DENND4A: variants seen among roughly 807,000 people sequenced by gnomAD.
The protein encoded by DENND4A is C-myc promoter-binding protein.
A neutral mutation model predicts 199.3 loss-of-function variants in DENND4A; 70 were observed. The observed-to-expected ratio is 0.35, with a 90% CI of 0.29 to 0.43. DENND4A has a LOEUF of 0.43. DENND4A is among the 20% of genes least tolerant of loss of function. DENND4A has a pLI of 1.00. For missense variants in DENND4A, 1,723 were observed against 2,255.8 expected, an observed-to-expected ratio of 0.76 and a Z score of 4.78; for synonymous variants, 686 against 766.9, an observed-to-expected ratio of 0.89 and a Z score of 1.74.
chr15:65,729,618 C>T lies in DENND4A; in HGVS notation c.1227G>A (p.Leu409=), dbSNP rs1222151153. ...TTTTATGTTCTGTTACTGCAAACAC[C>T]AGTAGTGTCACAGCATTTTCAGGGC... ...NLGPENAVTL[L]VFAVTEHKIL... Residue 409 remains leucine, a synonymous_variant, in exon 10 of 33, where the codon CTG becomes CTA. Coordinates refer to ENST00000443035, the MANE Select transcript of DENND4A (RefSeq NM_001320835.1). 8 of 1,579,204 alleles carry T rather than the reference C, an allele frequency of 5.1e-6. No individual in the cohort carries two copies. Among genetic ancestry groups the T allele is most frequent in the Non-Finnish European group, 6.9e-6 (8 of 1,161,350 alleles).
chr15:65,667,381 A>C, intron 29 of DENND4A, 68 bp downstream of exon 29: 1 of 1,497,760 alleles, frequency 6.7e-7, no homozygotes, highest in Non-Finnish European at 9.1e-7. Flanking sequence ...CTTTTTAATC[A>C]TTAGGAATAT....
intron 7 of DENND4A, among the ~76,000 whole-genome samples, chr15:65,733,722 C>T (rs1428180402): frequency 1.3e-5 from 2 of 152,158 alleles, no homozygotes; most frequent in Non-Finnish European, 2.9e-5. Context: ...TAGGAGACTC[C>T]ATTTTGTTCT....
In DENND4A at chr15:65,673,472, A is replaced by G. The variant is rs1365446640; in HGVS notation, c.4370-1586T>C. Among the ~76,000 whole-genome samples, 3 of 151,940 alleles carry G rather than the reference A, an allele frequency of 2.0e-5. No homozygotes were observed. In the East Asian group the frequency reaches 5.8e-4, roughly 29 times the overall value. On this transcript the variant is annotated intron_variant, in intron 24 of 32. Coordinates refer to ENST00000443035, the MANE Select transcript of DENND4A (RefSeq NM_001320835.1). ...AGTGATAGAGTGAGACTGTCTCAAAATAAATGATAAACAAAGGTTAAAAAA... is the reference window on the plus strand; with the variant it reads ...AGTGATAGAGTGAGACTGTCTCAAAGTAAATGATAAACAAAGGTTAAAAAA...
rs1453811415 is a variant in DENND4A at position 65,673,366 on chromosome 15, G to A, written c.4370-1480C>T. 2.0e-5 allele frequency among the ~76,000 whole-genome samples: 3 copies of A among 151,886 alleles called. No homozygotes were observed. The East Asian group carries it at 5.8e-4, about 30-fold the overall frequency. On this transcript the variant is annotated intron_variant, in intron 24 of 32. Coordinates refer to ENST00000443035, the MANE Select transcript of DENND4A (RefSeq NM_001320835.1). The stretch of plus-strand genomic sequence containing the variant: ...TGTGCCTGTAGTCCCAGCTACCTGG[G>A]AAGCTGAGGTGGGATGATCACCTGA...
intron 20 of DENND4A, among the ~76,000 whole-genome samples, chr15:65,700,153 G>C (rs1398195736): frequency 6.6e-6 from 1 of 151,970 alleles, no homozygotes; most frequent in Non-Finnish European, 1.5e-5. Context: ...CCAGGAAACT[G>C]ATGTTGGTAC....
chr15:65,707,390 T>A (rs904503985), intron 14 of DENND4A, among the ~76,000 whole-genome samples: 62 of 152,150 alleles, frequency 4.1e-4, no homozygotes, highest in African/African-American at 1.4e-3. Context: ...TAGTTAAACC[T>A]TTAAGATAAG....
intron 15 of DENND4A, among the ~76,000 whole-genome samples, chr15:65,703,503 C>G (rs914365234): frequency 6.6e-6 from 1 of 152,198 alleles, no homozygotes; most frequent in Non-Finnish European, 1.5e-5. Flanking sequence ...AGGCCTTGCT[C>G]TCACATTCTC....
chr15:65,778,256 GA>G (rs2077334653), intron 1 of DENND4A, among the ~76,000 whole-genome samples: 1 of 151,890 alleles, frequency 6.6e-6, no homozygotes, highest in African/African-American at 2.4e-5. Context: ...ATTTTTTAAA[GA>G]AAAATAATAT....
chr15:65,698,095 T>C (rs1470046640), intron 20 of DENND4A, among the ~76,000 whole-genome samples: 4 of 151,666 alleles, frequency 2.6e-5, no homozygotes, highest in African/African-American at 9.7e-5. Context: ...CTACTAAAAA[T>C]AAAAAATAAA....
chr15:65,767,535 T>C (rs370052227), intron 1 of DENND4A: 1 of 152,166 alleles, frequency 6.6e-6, no homozygotes, highest in South Asian at 2.1e-4. Flanking sequence ...CTCAAACTCC[T>C]GGGCCAAGCA....
At position 65,731,658 on chromosome 15, in the gene DENND4A, A is replaced by C; in HGVS notation, c.1150T>G (p.Ser384Ala). 1 of 1,561,002 alleles carries C rather than the reference A, an allele frequency of 6.4e-7. No individual in the cohort carries two copies. Among genetic ancestry groups the C allele is most frequent in the African/African-American group, 1.4e-5 (1 of 73,628 alleles). ...TTTACTTGCCTTAGTGGAAGAGGTG[A>C]AGACACAGGCTGACTGAGAATCAGA... ...DNLILSQPVS[S>A]PLPLSGGKFS... is the part of the protein sequence containing the mutation. The change falls in exon 9 of 33, where the codon TCA becomes GCA. Residue 384 changes from serine (S) to alanine (A), a missense_variant. Physicochemically the swap from Ser to Ala is moderately conservative, Grantham distance 99. Transcript: ENST00000443035.
chr15:65,746,422 T>C (rs1247422610), intron 4 of DENND4A, among the ~76,000 whole-genome samples: 2 of 132,388 alleles, frequency 1.5e-5, no homozygotes, highest in Middle Eastern at 4.0e-3. Context: ...AGTCTCGTTC[T>C]GTCACGCAGA....
At chr15:65,743,470 G>C (rs2076310357) in intron 4 of DENND4A, among the ~76,000 whole-genome samples, 1 of 152,050 alleles carries the variant, frequency 6.6e-6, no homozygotes, top group Non-Finnish European at 1.5e-5. Flanking sequence ...TTTCAAATAA[G>C]GGCTTCCCTG....
At position 65,715,533 on chromosome 15, in the gene DENND4A, G is replaced by T; in HGVS notation, c.1898C>A (p.Ser633Tyr). 1 of 1,611,350 alleles carries T rather than the reference G, an allele frequency of 6.2e-7. No individual in the cohort carries two copies. Among genetic ancestry groups the T allele is most frequent in the Non-Finnish European group, 8.5e-7 (1 of 1,179,164 alleles). Residue 633 changes from serine (S) to tyrosine (Y), a missense_variant, in exon 14 of 33, where the codon TCT becomes TAT. By Grantham distance (144) the Ser-to-Tyr change is moderately radical. Around this residue, in one of 6 missense-constraint regions of DENND4A, gnomAD observed 725 missense variants for 952.9 expected, o/e 0.76. Coordinates refer to ENST00000443035, the MANE Select transcript of DENND4A (RefSeq NM_001320835.1). Reference protein sequence around the residue: ...QMFIRFIEECSFVSDKDASLA... With the variant: ...QMFIRFIEECYFVSDKDASLA... ...GCTTGCATCTTTGTCACTAACAAAA[G>T]AACATTCTTCAATGAAGCGAATAAA...
intron 14 of DENND4A, among the ~76,000 whole-genome samples, chr15:65,706,508 ATT>A (rs1555422315): frequency 0.051 from 6,890 of 135,912 alleles, 190 homozygotes; most frequent in Middle Eastern, 0.068. Flanking sequence ...ATATATATAT[ATT>A]TTTTTTTGAG....
chr15:65,750,561 C>T (rs889298820), intron 4 of DENND4A, among the ~76,000 whole-genome samples: 1 of 151,968 alleles, frequency 6.6e-6, no homozygotes, highest in African/African-American at 2.4e-5. Context: ...ATATATACCC[C>T]ACATATGTGA....
At chr15:65,675,425 T>A (rs534504097) in intron 24 of DENND4A, among the ~76,000 whole-genome samples, 1 of 152,032 alleles carries the variant, frequency 6.6e-6, no homozygotes, top group African/African-American at 2.4e-5. Flanking sequence ...GAAAGACTGA[T>A]ACATTTGATG....
At chr15:65,680,565 AAG>A (rs1312798785) in intron 23 of DENND4A, 1 of 152,202 alleles carries the variant, frequency 6.6e-6, no homozygotes, top group Non-Finnish European at 1.5e-5. Context: ...GATTATAAAA[AAG>A]AATGATTTTA....
intron 15 of DENND4A, among the ~76,000 whole-genome samples, chr15:65,704,165 T>G (rs2074968517): frequency 6.6e-6 from 1 of 152,070 alleles, no homozygotes; most frequent in African/African-American, 2.4e-5. Flanking sequence ...ATAAGACCAT[T>G]TTGTGTGTCT....
Sources: allele counts gnomAD v4.1 joint callset (sites outside exome capture counted in the v4.1 genomes callset), GRCh38; gene constraint gnomAD v4.1.1; regional missense constraint gnomAD v4.1.1; transcripts MANE v1.5; gene names NCBI Gene and HGNC (gene_info 2026-07-23, HGNC 2026-07-21).